Variants in TTC6 observed in about 807,000 individuals in gnomAD.
The protein encoded by TTC6 is tetratricopeptide repeat protein 6.
A neutral mutation model predicts 210.4 loss-of-function variants in TTC6; 172 were observed. That is an observed-to-expected ratio of 0.82 (90% CI 0.72 to 0.93). The LOEUF is 0.93. Among genes scored for constraint, TTC6 ranks in the 40% least tolerant of loss-of-function variants. TTC6 has a pLI of 0.00. For missense variants in TTC6, 2,414 were observed against 2,318.1 expected (o/e 1.04, Z -0.85); for synonymous variants, 804 against 819.6 (o/e 0.98, Z 0.32).
intron 7 of TTC6, among the ~76,000 whole-genome samples, chr14:37,731,355 T>G (rs1162887168): frequency 2.0e-5 from 3 of 152,142 alleles, no homozygotes; most frequent in Non-Finnish European, 4.4e-5. Context: ...TAGCCAACAC[T>G]TCAGCACTAT....
intron 20 of TTC6, among the ~76,000 whole-genome samples, chr14:37,798,338 G>C (rs944696971): frequency 6.6e-6 from 1 of 151,678 alleles, no homozygotes; most frequent in African/African-American, 2.4e-5. Context: ...ATTGCTAAAA[G>C]TTTCCTAGTT....
chr14:37,658,870 C>A (rs2095730739), intron 1 of TTC6, among the ~76,000 whole-genome samples: 1 of 152,114 alleles, frequency 6.6e-6, no homozygotes. Context: ...TTTCATCACC[C>A]AGGTACTAAG....
intron 14 of TTC6, among the ~76,000 whole-genome samples, chr14:37,754,078 AT>A (rs2095960495): frequency 6.6e-6 from 1 of 152,096 alleles, no homozygotes. Context: ...ATTTTTTAAA[AT>A]ATTATTTTAT....
intron 29 of TTC6, chr14:37,837,454 C>A (rs778797080): frequency 3.5e-5 from 16 of 453,606 alleles, no homozygotes; most frequent in East Asian, 7.1e-5. Context: ...CCCCCTCCCC[C>A]CAACCTGTCC....
intron 14 of TTC6, among the ~76,000 whole-genome samples, chr14:37,765,727 G>A (rs1420152782): frequency 6.6e-6 from 1 of 151,978 alleles, no homozygotes; most frequent in African/African-American, 2.4e-5. Flanking sequence ...TTGTAAAATA[G>A]GTTTACTAGC....
At position 37,810,162 on chromosome 14, in the gene TTC6, A is replaced by G. The variant is rs141639984; in HGVS notation, c.4569+1316A>G. On this transcript the variant is annotated intron_variant, in intron 24 of 30. Transcript: ENST00000553443. ...CCTCCAGAAATGTTGATAAATGAATAGCTAATTTTTAACAAGGGGATTGTT... is the reference window on the plus strand; with the variant it reads ...CCTCCAGAAATGTTGATAAATGAATGGCTAATTTTTAACAAGGGGATTGTT... 4.9e-3 allele frequency among the ~76,000 whole-genome samples: 741 copies of G among 152,366 alleles called. 5 individuals carry two copies. Among genetic ancestry groups the G allele is most frequent in the African/African-American group, 0.015 (622 of 41,596 alleles).
chr14:37,767,262 G>A (rs1421448015), intron 14 of TTC6, among the ~76,000 whole-genome samples: 6 of 152,138 alleles, frequency 3.9e-5, no homozygotes, highest in African/African-American at 7.2e-5. Flanking sequence ...GTAAACATAC[G>A]TGTGCCTGTG....
intron 17 of TTC6, among the ~76,000 whole-genome samples, chr14:37,794,549 G>A (rs1443818344): frequency 6.6e-6 from 1 of 150,764 alleles, no homozygotes; most frequent in Non-Finnish European, 1.5e-5. Flanking sequence ...CCAGTATTAA[G>A]GGAATAATTA....
intron 20 of TTC6, among the ~76,000 whole-genome samples, chr14:37,799,831 A>G (rs996449178): frequency 6.6e-6 from 1 of 152,126 alleles, no homozygotes; most frequent in African/African-American, 2.4e-5. Context: ...TTTTCAGATG[A>G]GAATGTAGCA....
chr14:37,807,851 G>A (rs1406304739), intron 23 of TTC6, among the ~76,000 whole-genome samples: 1 of 151,830 alleles, frequency 6.6e-6, no homozygotes, highest in African/African-American at 2.4e-5. Context: ...CCAAAATTTG[G>A]ACTATGGTAT....
exon 29 of TTC6, chr14:37,827,197 T>A: frequency 6.2e-7 from 1 of 1,609,210 alleles, no homozygotes; most frequent in Non-Finnish European, 8.5e-7. Flanking sequence ...ATACTGCAGA[T>A]CAGTACTACA....
chr14:37,769,814 C>G (rs1353910161), intron 14 of TTC6, among the ~76,000 whole-genome samples: 3 of 152,018 alleles, frequency 2.0e-5, no homozygotes, highest in Non-Finnish European at 4.4e-5. Flanking sequence ...CAGTTCTGCT[C>G]TGATATTAGT....
At position 37,753,329 on chromosome 14, in the gene TTC6, C is replaced by G. The variant is rs2095958118; in HGVS notation, c.3266+94C>G. 4.7e-6 allele frequency: 5 copies of G among 1,075,168 alleles called. No homozygotes were observed. The South Asian group carries it at 1.0e-4, about 22-fold the overall frequency. The allele number at this position is 1,075,168 out of a possible 1,614,324, so 66.6% of individuals were successfully genotyped here. A position where few individuals can be genotyped will look rare whatever the true frequency, so the allele number is the denominator to read the frequency against. ...ATTGCTTGAAATACATCAGACAGCT[C>G]TTTAAAAACAATGAATCAATTTTCA... On this transcript the variant is annotated intron_variant, in intron 14 of 30. Transcript: ENST00000553443.
chr14:37,639,455 G>C (rs994115309), intron 1 of TTC6, among the ~76,000 whole-genome samples: 1 of 152,088 alleles, frequency 6.6e-6, no homozygotes. Flanking sequence ...TAATTAAGAA[G>C]TTTCCCTCTA....
At chr14:37,682,830 C>T (rs753043542) in exon 3 of TTC6, 1 of 1,535,582 alleles carries the variant, frequency 6.5e-7, no homozygotes, top group South Asian at 1.2e-5. Context: ...AGAATGGGGA[C>T]CCTCAGAAGC....
At chr14:37,742,209 C>CT in intron 10 of TTC6, among the ~76,000 whole-genome samples, 1 of 152,256 alleles carries the variant, frequency 6.6e-6, no homozygotes, top group South Asian at 2.1e-4. Flanking sequence ...GTGCCCCTTT[C>CT]TAGAATAATT....
At chr14:37,662,693 G>T (rs1214606155) in intron 1 of TTC6, among the ~76,000 whole-genome samples, 2 of 152,126 alleles carry the variant, frequency 1.3e-5, no homozygotes, top group African/African-American at 2.4e-5. Flanking sequence ...CTTGTTGTTA[G>T]CTTTGTTGAA....
At chr14:37,787,326 A>T in intron 14 of TTC6, 142 bp from the exon 17 acceptor site, 2 of 588,160 alleles carry the variant, frequency 3.4e-6, no homozygotes, top group Admixed American at 6.5e-5. Flanking sequence ...TTTTGCTGTT[A>T]ACATCATGAC....
At chr14:37,746,984 G>C (rs1414483457) in intron 10 of TTC6, among the ~76,000 whole-genome samples, 1 of 152,084 alleles carries the variant, frequency 6.6e-6, no homozygotes, top group Non-Finnish European at 1.5e-5. Context: ...TATTACCTTG[G>C]TGCACAAAGT....
Sources: gnomAD v4.1 joint callset for allele counts (sites outside exome capture counted in the v4.1 genomes callset) on GRCh38, gnomAD v4.1.1 for gene constraint, MANE v1.5 for transcripts, NCBI Gene and HGNC (gene_info 2026-07-23, HGNC 2026-07-21) for gene names.